The following MED12L variants were observed in gnomAD, a reference collection of about 807,000 sequenced individuals.
The protein encoded by MED12L is mediator complex subunit 12L.
A neutral mutation model predicts 281.3 loss-of-function variants in MED12L; 60 were observed. The ratio of observed to expected loss-of-function variants is 0.21; its 90% CI spans 0.17 to 0.26. The LOEUF is 0.26. MED12L is among the 10% of genes least tolerant of loss of function. The pLI is 1.00. For missense variants in MED12L, 2,146 were observed against 2,680.9 expected, an observed-to-expected ratio of 0.80 and a Z score of 4.41; for synonymous variants, 974 against 987.2, an observed-to-expected ratio of 0.99 and a Z score of 0.25.
At chr3:151,231,598 A>T (rs557854424) in intron 16 of MED12L, among the ~76,000 whole-genome samples, 1 of 152,348 alleles carries the variant, frequency 6.6e-6, no homozygotes, top group East Asian at 1.9e-4. Context: ...AAAAAAATCA[A>T]TGCCACGAGA....
At chr3:151,138,298 CA>C (rs1716446369) in intron 5 of MED12L, among the ~76,000 whole-genome samples, 1 of 151,808 alleles carries the variant, frequency 6.6e-6, no homozygotes, top group South Asian at 2.1e-4. Flanking sequence ...GTTTTTATTT[CA>C]AAAATGTTAA....
chr3:151,295,354 T>C (rs1744947435), intron 16 of MED12L: 1 of 607,936 alleles, frequency 1.6e-6, no homozygotes, highest in East Asian at 2.7e-5. Context: ...AGGTAGCACA[T>C]TGTTAATGTT....
At chr3:151,100,200 T>C (rs1472854273) in intron 2 of MED12L, among the ~76,000 whole-genome samples, 1 of 152,202 alleles carries the variant, frequency 6.6e-6, no homozygotes, top group African/African-American at 2.4e-5. Context: ...CCCACTTACC[T>C]TGAATTTTCT....
At chr3:151,115,327 C>CTTTTTTT (rs66728754) in intron 2 of MED12L, among the ~76,000 whole-genome samples, 4 of 60,806 alleles carry the variant, frequency 6.6e-5, no homozygotes, top group African/African-American at 1.2e-4. Context: ...GGAAACAATT[C>CTTTTTTT]TTTTTTTTTT....
intron 16 of MED12L, among the ~76,000 whole-genome samples, chr3:151,283,101 C>G (rs1177278608): frequency 6.6e-6 from 1 of 152,132 alleles, no homozygotes; most frequent in Non-Finnish European, 1.5e-5. Flanking sequence ...GAAACAAATG[C>G]CTGGTACAAT....
chr3:151,111,405 A>G (rs1711865740), intron 2 of MED12L, among the ~76,000 whole-genome samples: 1 of 152,126 alleles, frequency 6.6e-6, no homozygotes, highest in South Asian at 2.1e-4. Flanking sequence ...GGTAGAAACT[A>G]TTACTATCCC....
intron 16 of MED12L, chr3:151,203,185 T>A (rs1438581254): frequency 1.3e-5 from 2 of 152,228 alleles, no homozygotes; most frequent in Non-Finnish European, 2.9e-5. Flanking sequence ...GCCGCAGCAG[T>A]AGCAACCCCA....
intron 5 of MED12L, among the ~76,000 whole-genome samples, chr3:151,154,882 A>G (rs998908357): frequency 6.6e-6 from 1 of 152,296 alleles, no homozygotes; most frequent in African/African-American, 2.4e-5. Flanking sequence ...TTTCAGAAAA[A>G]CTATTAAACT....
intron 16 of MED12L, among the ~76,000 whole-genome samples, chr3:151,250,742 T>C (rs1242097994): frequency 6.6e-6 from 1 of 152,194 alleles, no homozygotes; most frequent in East Asian, 1.9e-4. Flanking sequence ...TATACAAATA[T>C]CTGCTTAAGA....
intron 16 of MED12L, chr3:151,199,111 G>A (rs1725133310): frequency 1.9e-6 from 3 of 1,613,922 alleles, no homozygotes; most frequent in Non-Finnish European, 2.5e-6. Context: ...TATAGATGAG[G>A]CAGGCTGTTA....
chr3:151,396,776 G>A (rs553527646), intron 39 of MED12L, among the ~76,000 whole-genome samples: 1 of 152,132 alleles, frequency 6.6e-6, no homozygotes, highest in Non-Finnish European at 1.5e-5. Flanking sequence ...TGAAGTACTT[G>A]TTAAGTTGTT....
intron 16 of MED12L, among the ~76,000 whole-genome samples, chr3:151,347,568 C>T (rs894895591): frequency 1.3e-5 from 2 of 152,152 alleles, no homozygotes; most frequent in African/African-American, 2.4e-5. Context: ...CATAGCATTT[C>T]AGCAAGTGAA....
intron 34 of MED12L, 95 bp downstream of exon 34, chr3:151,383,983 T>C: frequency 1.3e-6 from 2 of 1,485,834 alleles, no homozygotes; most frequent in East Asian, 4.7e-5. Flanking sequence ...CTTATTTACT[T>C]GGATGCTATT....
intron 35 of MED12L, among the ~76,000 whole-genome samples, chr3:151,384,447 T>A (rs1340602737): frequency 6.6e-6 from 1 of 152,230 alleles, no homozygotes; most frequent in Non-Finnish European, 1.5e-5. Context: ...TTTAATTTTT[T>A]AAAGAACTTT....
At chr3:151,113,943 G>T (rs1560059924) in intron 2 of MED12L, among the ~76,000 whole-genome samples, 1 of 152,178 alleles carries the variant, frequency 6.6e-6, no homozygotes, top group Non-Finnish European at 1.5e-5. Context: ...AGGCCAGAAT[G>T]TATTTTTAGT....
rs151113279 is a variant in MED12L at position 151,254,122 on chromosome 3, C to T, written c.2250+60456C>T. ...AGAAGTCCATACCCTTTTCTTATGC[C>T]CTGGTAGCCACCTCTTTTTCCTTTT... On this transcript the variant is annotated intron_variant, in intron 16 of 44. Coordinates refer to ENST00000687756, the MANE Select transcript of MED12L (RefSeq NM_001393769.1). 4.6e-5 allele frequency among the ~76,000 whole-genome samples: 7 copies of T among 151,528 alleles called. No homozygotes were observed. In the East Asian group the frequency reaches 1.4e-3, roughly 29 times the overall value.
At chr3:151,339,227 GCCTTTTAGCTTT>G (rs1751460675) in intron 16 of MED12L, among the ~76,000 whole-genome samples, 1 of 152,002 alleles carries the variant, frequency 6.6e-6, no homozygotes. Flanking sequence ...TCCCCTCCAT[GCCTTTTAGCTTT>G]TTGGTTTCTA....
chr3:151,355,846 A>G, intron 18 of MED12L, 50 bp from the exon 19 acceptor site: 1 of 1,486,830 alleles, frequency 6.7e-7, no homozygotes, highest in East Asian at 2.3e-5. Context: ...TCTTAGTAAA[A>G]GATTATTTAG....
At chr3:151,147,708 C>A (rs528405750) in intron 5 of MED12L, among the ~76,000 whole-genome samples, 4 of 152,160 alleles carry the variant, frequency 2.6e-5, no homozygotes, top group Non-Finnish European at 4.4e-5. Context: ...CTCTTAGGGC[C>A]GAATGGTGTT....
Sources: gnomAD v4.1 joint callset for allele counts (sites outside exome capture counted in the v4.1 genomes callset) on GRCh38, gnomAD v4.1.1 for gene constraint, MANE v1.5 for transcripts, NCBI Gene and HGNC (gene_info 2026-07-23, HGNC 2026-07-21) for gene names.